Variants in SHANK2 observed in about 807,000 individuals in gnomAD.
SHANK2 encodes SH3 and multiple ankyrin repeat domains protein 2.
A neutral mutation model predicts 133.7 loss-of-function variants in SHANK2; 43 were observed. The observed-to-expected ratio is 0.32, with a 90% CI of 0.25 to 0.41. The LOEUF (loss-of-function observed/expected upper bound fraction) is 0.41, where lower values mean the gene tolerates loss of function less well. SHANK2 is among the 10% of genes least tolerant of loss of function. The pLI is 1.00. For synonymous variants in SHANK2, 1,017 were observed against 952.8 expected (o/e 1.07, Z -1.24); for missense variants, 1,994 against 2,235.8 (o/e 0.89, Z 2.18).
intron 15 of SHANK2, 39 bp downstream of exon 15, chr11:70,698,649 T>C: frequency 2.8e-6 from 2 of 718,420 alleles, no homozygotes; most frequent in Non-Finnish European, 5.2e-6. Flanking sequence ...CGAACAGCTT[T>C]GACCAGAGGG....
chr11:70,916,969 T>C (rs1179037255), intron 10 of SHANK2, among the ~76,000 whole-genome samples: 1 of 152,146 alleles, frequency 6.6e-6, no homozygotes, highest in African/African-American at 2.4e-5. Flanking sequence ...ACCATTGCTT[T>C]TGGATGCTTT....
intron 17 of SHANK2, among the ~76,000 whole-genome samples, chr11:70,529,690 A>G (rs2059443457): frequency 6.6e-6 from 1 of 152,102 alleles, no homozygotes; most frequent in Non-Finnish European, 1.5e-5. Flanking sequence ...ACTCATAAGC[A>G]GTCACTCCCC....
chr11:70,784,235 G>A (rs1947586266), intron 14 of SHANK2, among the ~76,000 whole-genome samples: 1 of 150,950 alleles, frequency 6.6e-6, no homozygotes, highest in Non-Finnish European at 1.5e-5. Flanking sequence ...GGAGTGCAGT[G>A]GCAGGATCTC....
intron 17 of SHANK2, among the ~76,000 whole-genome samples, chr11:70,558,768 C>T (rs1554980166): frequency 6.6e-6 from 1 of 152,190 alleles, no homozygotes; most frequent in East Asian, 1.9e-4. Context: ...CAGAAAGACA[C>T]ACTGACGGCC....
At position 70,487,113 on chromosome 11, in the gene SHANK2, C is replaced by T. The variant is rs1565529798; in HGVS notation, c.3180G>A (p.Pro1060=). ...GSSMEIDPQA[P]EPPSQLRPDE... Reference sequence around the variant, plus strand: ...CAGGCCGCAGCTGGCTCGGTGGCTCCGGGGCCTGGGGGTCGATCTCCATGC... The same window carrying T: ...CAGGCCGCAGCTGGCTCGGTGGCTCTGGGGCCTGGGGGTCGATCTCCATGC... Residue 1060 remains proline, a synonymous_variant, in exon 25 of 26, where the codon CCG becomes CCA. Coordinates refer to ENST00000601538, the MANE Select transcript of SHANK2 (RefSeq NM_012309.5). This position sits in a 1 kb window ranked among gnomAD's most constrained non-coding sequence, Gnocchi z 5.8. The T allele has an allele frequency of 4.3e-6, 7 of 1,611,494 alleles. No individual in the cohort carries two copies. Among genetic ancestry groups the T allele is most frequent in the Non-Finnish European group, 3.4e-6 (4 of 1,179,982 alleles).
chr11:71,135,482 GTTTTTTT>G (rs71949830), intron 3 of SHANK2, among the ~76,000 whole-genome samples: 1 of 115,710 alleles, frequency 8.6e-6, no homozygotes, highest in Non-Finnish European at 1.8e-5. Flanking sequence ...GGGGGGATAT[GTTTTTTT>G]TTTTTTTTTT....
chr11:70,798,952 C>CCG (rs1947983046), intron 13 of SHANK2, among the ~76,000 whole-genome samples: 1 of 151,974 alleles, frequency 6.6e-6, no homozygotes, highest in Admixed American at 6.6e-5. Context: ...AAAGTGGAGT[C>CCG]GGGGGGCACC....
Position 70,469,727 on chromosome 11 carries a change from T to C in SHANK2, c.*3142A>G, listed in dbSNP as rs186467136. ...AGATCAACTGGATAATGCTTGCTTG[T>C]TCAATAACTGAGAAAAAAATTTACC... On this transcript the variant is annotated 3_prime_UTR_variant, in exon 26 of 26. Transcript: ENST00000601538. The C allele has an allele frequency of 5.9e-5, 9 of 152,792 alleles. No homozygotes were observed. Among genetic ancestry groups the C allele is most frequent in the African/African-American group, 2.2e-4 (9 of 41,580 alleles). 9.5% of individuals were successfully genotyped at this position (152,792 alleles called of 1,614,324 possible).
At chr11:70,900,704 C>T (rs1254309190) in intron 10 of SHANK2, among the ~76,000 whole-genome samples, 1 of 152,194 alleles carries the variant, frequency 6.6e-6, no homozygotes, top group African/African-American at 2.4e-5. Context: ...ACTGTTTCTC[C>T]CCTTGATGAT....
intron 10 of SHANK2, among the ~76,000 whole-genome samples, chr11:70,931,507 C>T (rs1304365458): frequency 2.0e-5 from 3 of 152,194 alleles, no homozygotes; most frequent in Non-Finnish European, 2.9e-5. Context: ...GAGCTGCTGG[C>T]GTGGCCACGG....
intron 11 of SHANK2, among the ~76,000 whole-genome samples, chr11:70,849,405 G>A (rs1282476238): frequency 6.6e-6 from 1 of 152,184 alleles, no homozygotes; most frequent in Non-Finnish European, 1.5e-5. Flanking sequence ...CTGTCTACGG[G>A]TGCACAAATG....
At chr11:71,103,685 G>A (rs1178221852) in intron 6 of SHANK2, among the ~76,000 whole-genome samples, 1 of 152,184 alleles carries the variant, frequency 6.6e-6, no homozygotes, top group Non-Finnish European at 1.5e-5. Flanking sequence ...CGGGGTTGGA[G>A]GTGGGGCCTG....
chr11:70,857,645 A>G (rs1949192455), intron 11 of SHANK2, among the ~76,000 whole-genome samples: 1 of 152,150 alleles, frequency 6.6e-6, no homozygotes, highest in African/African-American at 2.4e-5. Flanking sequence ...CATCATCCTC[A>G]GCACTTTAGT....
At chr11:70,806,239 G>A (rs887735231) in intron 13 of SHANK2, among the ~76,000 whole-genome samples, 5 of 152,174 alleles carry the variant, frequency 3.3e-5, no homozygotes, top group East Asian at 1.9e-4. Flanking sequence ...CTCCAATGGC[G>A]GGGCCCGGGC....
intron 11 of SHANK2, among the ~76,000 whole-genome samples, chr11:70,835,358 A>C (rs1399644586): frequency 6.6e-6 from 1 of 152,126 alleles, no homozygotes; most frequent in Non-Finnish European, 1.5e-5. Flanking sequence ...CCAGTTCTCG[A>C]GGACACAGGA....
At chr11:70,751,489 A>C (rs7109489) in intron 14 of SHANK2, among the ~76,000 whole-genome samples, 50,204 of 152,028 alleles carry the variant, frequency 0.33, 8,615 homozygotes, top group Admixed American at 0.36. Context: ...ATTTGTGGCC[A>C]GCAGGTCAAC....
rs1555154666 is a variant in SHANK2, at chr11:70,487,677, C to T, written c.2616G>A (p.Leu872=). ...EERQFLAPPM[L]KFTRSLSMPD... Reference sequence around the variant, plus strand: ...GCATGGACAGGCTTCTGGTGAACTTCAGCATTGGAGGAGCCAGAAACTGCC... The same window carrying T: ...GCATGGACAGGCTTCTGGTGAACTTTAGCATTGGAGGAGCCAGAAACTGCC... Residue 872 remains leucine, a synonymous_variant, in exon 25 of 26, where the codon CTG becomes CTA. Transcript: ENST00000601538. This position sits in a 1 kb window ranked among gnomAD's most constrained non-coding sequence, Gnocchi z 5.8. The T allele has an allele frequency of 8.8e-6, 14 of 1,583,438 alleles. No homozygotes were observed. The highest frequency in any genetic ancestry group is 1.7e-4 in the Middle Eastern group (1 of 6,004).
chr11:71,095,389 T>C (rs1030328612), intron 6 of SHANK2, among the ~76,000 whole-genome samples: 2 of 152,204 alleles, frequency 1.3e-5, no homozygotes, highest in Non-Finnish European at 2.9e-5. Context: ...TTCCGTCCAC[T>C]CTTCATCTTT....
At chr11:70,618,221 G>T (rs545718579) in intron 17 of SHANK2, among the ~76,000 whole-genome samples, 1 of 151,166 alleles carries the variant, frequency 6.6e-6, no homozygotes, top group South Asian at 2.1e-4. Flanking sequence ...TTGAACCCAG[G>T]AGGCAGAGGT....
Sources: gnomAD v4.1 joint callset for allele counts (sites outside exome capture counted in the v4.1 genomes callset) on GRCh38, gnomAD v4.1.1 for gene constraint, Gnocchi (gnomAD v3.1) non-coding constraint, MANE v1.5 for transcripts, NCBI Gene and HGNC (gene_info 2026-07-23, HGNC 2026-07-21) for gene names.